ZNF141: variants seen among roughly 807,000 people sequenced by gnomAD.
ZNF141 encodes zinc finger protein 141.
In ZNF141, 7 loss-of-function variants were observed where a neutral mutation model predicts 11.3. The ratio of observed to expected loss-of-function variants is 0.62; its 90% CI spans 0.35 to 1.16. ZNF141 has a LOEUF of 1.16. ZNF141 is among the 50% of genes most tolerant of loss of function. ZNF141 has a pLI of 0.02. For synonymous variants in ZNF141, 183 were observed against 190.7 expected (o/e 0.96, Z 0.33); for missense variants, 535 against 554.0 (o/e 0.97, Z 0.34).
chr4:371,731 G>A (rs574480403), intron 3 of ZNF141, among the ~76,000 whole-genome samples: 49 of 148,476 alleles, frequency 3.3e-4, no homozygotes, highest in African/African-American at 1.1e-3. Context: ...TAGTAGGGAC[G>A]GTGATTCACC....
chr4:383,233 C>T lies in ZNF141; in HGVS notation c.*9371C>T. The T allele has an allele frequency of 1.5e-6, 1 of 677,690 alleles. No individual in the cohort carries two copies. The highest frequency in any genetic ancestry group is 2.7e-6 in the Non-Finnish European group (1 of 375,864). The allele number at this position is 677,690 out of a possible 1,614,324, so 42.0% of individuals were successfully genotyped here. ...TAATTCACCAGCATCTAACCACTCA[C>T]ACCTGAAGGAGCCAAACTGAGCCCA... On this transcript the variant is annotated 3_prime_UTR_variant, in exon 4 of 4. Coordinates refer to ENST00000240499, the MANE Select transcript of ZNF141 (RefSeq NM_003441.4).
intron 1 of ZNF141, among the ~76,000 whole-genome samples, chr4:339,683 C>G (rs768902940): frequency 1.2e-4 from 18 of 152,130 alleles, no homozygotes; most frequent in Non-Finnish European, 2.2e-4. Context: ...ATATATATAA[C>G]TCATTTTAAT....
chr4:342,196 G>A (rs782065550), intron 1 of ZNF141, among the ~76,000 whole-genome samples: 2 of 152,180 alleles, frequency 1.3e-5, no homozygotes, highest in Non-Finnish European at 2.9e-5. Context: ...CACATAATAT[G>A]AGCTTCCCAT....
chr4:350,651 C>T (rs1553850304), intron 3 of ZNF141, among the ~76,000 whole-genome samples: 1 of 152,150 alleles, frequency 6.6e-6, no homozygotes, highest in Non-Finnish European at 1.5e-5. Flanking sequence ...ATGATTGGAT[C>T]GTAGGGTTGG....
intron 1 of ZNF141, among the ~76,000 whole-genome samples, chr4:340,596 T>C (rs1304755370): frequency 1.3e-5 from 2 of 152,166 alleles, no homozygotes; most frequent in Admixed American, 6.5e-5. Context: ...AGTTCCAAAT[T>C]CTGAGTTTAT....
In ZNF141 at chr4:344,315, T is replaced by C; in HGVS notation, c.131-20T>C. ...ATCCCCATCAATAGTCATGTTATTA[T>C]TTTTTTTAAAATAAAACAGGTGTTG... On this transcript the variant is annotated intron_variant, in intron 2 of 3. Coordinates refer to ENST00000240499, the MANE Select transcript of ZNF141 (RefSeq NM_003441.4). The C allele has an allele frequency of 6.4e-7, 1 of 1,567,394 alleles. No homozygotes were observed.
rs782708779 is a variant in ZNF141, at chr4:383,104, A to G, written c.*9242A>G. On this transcript the variant is annotated 3_prime_UTR_variant, in exon 4 of 4. Coordinates refer to ENST00000240499, the MANE Select transcript of ZNF141 (RefSeq NM_003441.4). ...CTGTTATCTTTTTCAGAATTCTTCC[A>G]TCTCTATGACAACAAGCCCATTTTA... is the stretch of plus-strand genomic sequence containing the variant. The G allele has an allele frequency of 8.6e-6, 6 of 696,750 alleles. No individual in the cohort carries two copies. Among genetic ancestry groups the G allele is most frequent in the Admixed American group, 2.1e-5 (1 of 48,026 alleles). The allele number at this position is 696,750 out of a possible 1,614,324, so 43.2% of individuals were successfully genotyped here. A position where few individuals can be genotyped will look rare whatever the true frequency, so the allele number is the denominator to read the frequency against.
Position 343,894 on chromosome 4 carries a change from A to C in ZNF141, c.116A>C (p.Asn39Thr). ...GATGTGATGTTGGAGAACTACAGGA[A>C]CCTGGTCTCCCTGGGTGAGGATAAC... ...YRDVMLENYR[N>T]LVSLGVAISN... is the part of the protein sequence containing the mutation. Residue 39 changes from asparagine (N) to threonine (T), a missense_variant, in exon 2 of 4, where the codon AAC (asparagine) becomes ACC (threonine). Physicochemically the swap from Asn to Thr is moderately conservative, Grantham distance 65 (BLOSUM62 0). Transcript: ENST00000240499. The C allele has an allele frequency of 6.2e-7, 1 of 1,604,294 alleles. No individual in the cohort carries two copies. The highest frequency in any genetic ancestry group is 8.5e-7 in the Non-Finnish European group (1 of 1,177,876).
rs1300158656 is a variant in ZNF141 at position 378,578 on chromosome 4, A to G, written c.*4716A>G. ...CCACCGTGCCTGGCCAGAATATTAT[A>G]TCTTTGAGTGTGAATGTTAAATGGT... is the stretch of plus-strand genomic sequence containing the variant. On this transcript the variant is annotated 3_prime_UTR_variant, in exon 4 of 4. Coordinates refer to ENST00000240499, the MANE Select transcript of ZNF141 (RefSeq NM_003441.4). 6.6e-6 allele frequency among the ~76,000 whole-genome samples: 1 copy of G among 152,058 alleles called. No homozygotes were observed. The highest frequency in any genetic ancestry group is 1.5e-5 in the Non-Finnish European group (1 of 68,008).
At chr4:357,973 C>A (rs1445243152) in intron 3 of ZNF141, among the ~76,000 whole-genome samples, 1 of 151,904 alleles carries the variant, frequency 6.6e-6, no homozygotes, top group Non-Finnish European at 1.5e-5. Context: ...CCCGCCTCAG[C>A]CTCCCGAAGT....
At chr4:344,541 A>G (rs1429350142) in intron 3 of ZNF141, 111 bp downstream of exon 3, 6 of 832,882 alleles carry the variant, frequency 7.2e-6, no homozygotes, top group African/African-American at 7.0e-5. Flanking sequence ...CATGCCTGTA[A>G]TCCAAGGACT....
At position 353,463 on chromosome 4, in the gene ZNF141, A is replaced by ATTTT. The variant is rs782000820; in HGVS notation, c.226+9035_226+9036insTTTT. On this transcript the variant is annotated intron_variant, in intron 3 of 3. Transcript: ENST00000240499. The stretch of plus-strand genomic sequence containing the variant: ...AGTTTATTAATTTATTATTATTATT[A>ATTTT]TTATTTTTTTTTTTTTGGAGACAGA... 1.0e-4 allele frequency among the ~76,000 whole-genome samples: 14 copies of ATTTT among 135,472 alleles called. 2 individuals carry two copies. The highest frequency in any genetic ancestry group is 4.1e-4 in the East Asian group (2 of 4,844). The allele number at this position is 135,472 out of a possible 152,430, so 88.9% of individuals were successfully genotyped here. A position where few individuals can be genotyped will look rare whatever the true frequency, so the allele number is the denominator to read the frequency against.
At chr4:345,729 C>CAA (rs1321182710) in intron 3 of ZNF141, among the ~76,000 whole-genome samples, 12,379 of 64,144 alleles carry the variant, frequency 0.19, 918 homozygotes, top group African/African-American at 0.31. Context: ...ACTCTGTCTC[C>CAA]AAAAAAAAAA....
chr4:343,539 T>C (rs932337922), intron 1 of ZNF141, among the ~76,000 whole-genome samples: 9 of 151,580 alleles, frequency 5.9e-5, no homozygotes, highest in African/African-American at 9.7e-5. Flanking sequence ...TCCTGGCTAA[T>C]ATGGTGAAAC....
chr4:358,009 A>G (rs953534808), intron 3 of ZNF141, among the ~76,000 whole-genome samples: 2 of 150,958 alleles, frequency 1.3e-5, no homozygotes, highest in Admixed American at 1.3e-4. Context: ...ATGAGCCACC[A>G]TGCCTGGCCT....
chr4:343,454 A>G (rs1366288086), intron 1 of ZNF141, among the ~76,000 whole-genome samples: 3 of 152,166 alleles, frequency 2.0e-5, no homozygotes, highest in African/African-American at 7.2e-5. Flanking sequence ...GGCTGGGCGC[A>G]GTGGCTCACG....
At chr4:341,297 G>A (rs926892016) in intron 1 of ZNF141, among the ~76,000 whole-genome samples, 39 of 152,074 alleles carry the variant, frequency 2.6e-4, no homozygotes, top group African/African-American at 8.5e-4. Flanking sequence ...TCCTGACCTT[G>A]TGATCCACCC....
In ZNF141 at chr4:383,259, G is replaced by C. The variant is rs1553855940; in HGVS notation, c.*9397G>C. ...ACCTGAAGGAGCCAAACTGAGCCCA[G>C]AAGAATGGCCCGGCTGAGCCCAGCC... On this transcript the variant is annotated 3_prime_UTR_variant, in exon 4 of 4. Transcript: ENST00000240499. The C allele has an allele frequency of 1.5e-6, 1 of 651,954 alleles. No individual in the cohort carries two copies. The highest frequency in any genetic ancestry group is 2.7e-6 in the Non-Finnish European group (1 of 364,714). 40.4% of individuals were successfully genotyped at this position (651,954 alleles called of 1,614,324 possible).
chr4:373,995 T>C lies in ZNF141; in HGVS notation c.*133T>C. On this transcript the variant is annotated 3_prime_UTR_variant, in exon 4 of 4. Transcript: ENST00000240499. ...CGTGGCAAAGTTCTTTACCTCATTC[T>C]CAAACCTTGATAAACATAAGAGAAT... 2 of 790,042 alleles carry C rather than the reference T, an allele frequency of 2.5e-6. No individual in the cohort carries two copies. Among genetic ancestry groups the C allele is most frequent in the Non-Finnish European group, 4.2e-6 (2 of 478,260 alleles). The allele number at this position is 790,042 out of a possible 1,614,324, so 48.9% of individuals were successfully genotyped here.
Sources: gnomAD v4.1 joint callset for allele counts (sites outside exome capture counted in the v4.1 genomes callset) on GRCh38, gnomAD v4.1.1 for gene constraint, MANE v1.5 for transcripts, NCBI Gene and HGNC (gene_info 2026-07-23, HGNC 2026-07-21) for gene names.